PPIL6: variants seen among roughly 807,000 people sequenced by gnomAD.
PPIL6 encodes the protein peptidylprolyl isomerase like 6.
PPIL6 carries 39 observed loss-of-function variants against 36.8 expected under a neutral mutation model. That is an observed-to-expected ratio of 1.06 (90% CI 0.82 to 1.38). The LOEUF is 1.38. Among genes scored for constraint, PPIL6 ranks in the 40% most tolerant of loss-of-function variants. The pLI is 0.00. For missense variants in PPIL6, 368 were observed against 379.1 expected (o/e 0.97, Z 0.24); for synonymous variants, 123 against 134.1 (o/e 0.92, Z 0.57).
In PPIL6 at chr6:109,436,075, A is replaced by G. The variant is rs769503008; in HGVS notation, c.231+29T>C. The G allele has an allele frequency of 9.8e-6, 12 of 1,221,628 alleles. No individual in the cohort carries two copies. The South Asian group carries it at 1.4e-4, about 14-fold the overall frequency. 75.7% of individuals were successfully genotyped at this position (1,221,628 alleles called of 1,614,324 possible). ...TCAGGCAAAACTTGGCTTGTTGTCT[A>G]TATCCCCCACACCCCAAATATCCTT... On this transcript the variant is annotated intron_variant, in intron 2 of 7. Coordinates refer to ENST00000521072, the MANE Select transcript of PPIL6 (RefSeq NM_173672.5).
chr6:109,440,628 C>A lies in PPIL6; in HGVS notation c.-38G>T, dbSNP rs1189431350. 7 of 1,201,832 alleles carry A rather than the reference C, an allele frequency of 5.8e-6. No homozygotes were observed. Among genetic ancestry groups the A allele is most frequent in the Non-Finnish European group, 6.2e-6 (6 of 969,096 alleles). The allele number at this position is 1,201,832 out of a possible 1,614,324, so 74.4% of individuals were successfully genotyped here. ...GGACGCCCGGTGACCCCAAACACTG[C>A]GCGTCGCTCCGGCAACCGCGCGGCC... On this transcript the variant is annotated 5_prime_UTR_variant, in exon 1 of 8. Transcript: ENST00000521072.
chr6:109,428,158 A>G (rs1230678062), intron 3 of PPIL6, among the ~76,000 whole-genome samples: 3 of 152,200 alleles, frequency 2.0e-5, no homozygotes, highest in Non-Finnish European at 2.9e-5. Flanking sequence ...CTAGCCCTAC[A>G]AAGAGGCATT....
intron 3 of PPIL6, 58 bp from the exon 4 acceptor site, chr6:109,427,214 A>G (rs1773870225): frequency 8.2e-7 from 1 of 1,219,608 alleles, no homozygotes; most frequent in Non-Finnish European, 1.2e-6. Flanking sequence ...GAAAGTTTTC[A>G]GAAATGACCA....
At chr6:109,393,788 CT>C (rs1002709946) in intron 7 of PPIL6, among the ~76,000 whole-genome samples, 3 of 152,174 alleles carry the variant, frequency 2.0e-5, no homozygotes, top group African/African-American at 7.2e-5. Flanking sequence ...CACCCCTACC[CT>C]TTGGCATGGT....
intron 1 of PPIL6, among the ~76,000 whole-genome samples, chr6:109,439,144 C>G (rs535852340): frequency 6.6e-6 from 1 of 151,688 alleles, no homozygotes; most frequent in East Asian, 1.9e-4. Context: ...GGAGTCGGCA[C>G]AGAAAATATG....
At chr6:109,432,583 T>C (rs761061224) in intron 2 of PPIL6, among the ~76,000 whole-genome samples, 1 of 152,134 alleles carries the variant, frequency 6.6e-6, no homozygotes, top group African/African-American at 2.4e-5. Flanking sequence ...CCCTCTCCCT[T>C]TCCCCCAATA....
At chr6:109,397,223 TAGA>T (rs1167560829) in intron 7 of PPIL6, among the ~76,000 whole-genome samples, 1 of 145,750 alleles carries the variant, frequency 6.9e-6, no homozygotes, top group Non-Finnish European at 1.5e-5. Flanking sequence ...AATAGCAGAA[TAGA>T]AGGAGGGCAG....
Position 109,440,532 on chromosome 6 carries a change from G to A in PPIL6, c.59C>T (p.Pro20Leu), listed in dbSNP as rs1272992931. 6 of 1,493,222 alleles carry A rather than the reference G, an allele frequency of 4.0e-6. No homozygotes were observed. Among genetic ancestry groups the A allele is most frequent in the South Asian group, 2.6e-5 (2 of 78,238 alleles). The allele number at this position is 1,493,222 out of a possible 1,614,324, so 92.5% of individuals were successfully genotyped here. A position where few individuals can be genotyped will look rare whatever the true frequency, so the allele number is the denominator to read the frequency against. ...PHARCGSPSLPERPLQVKVVG... is the reference protein window; with the variant it reads ...PHARCGSPSLLERPLQVKVVG... ...CACCTTCACCTGCAGCGGCCGCTCC[G>A]GCAGCGACGGCGAGCCGCACCTAGC... Residue 20 changes from proline (P) to leucine (L), a missense_variant, in exon 1 of 8, where the codon CCG (proline) becomes CTG (leucine). Pro to Leu is a moderately conservative substitution (Grantham distance 98). Transcript: ENST00000521072.
intron 6 of PPIL6, among the ~76,000 whole-genome samples, chr6:109,401,760 T>G (rs992247368): frequency 6.6e-6 from 1 of 150,934 alleles, no homozygotes; most frequent in Non-Finnish European, 1.5e-5. Context: ...AGTCTCGCTC[T>G]GTTGCCCAGG....
intron 6 of PPIL6, among the ~76,000 whole-genome samples, chr6:109,400,984 C>T (rs1438617530): frequency 1.3e-5 from 2 of 151,302 alleles, no homozygotes; most frequent in Non-Finnish European, 2.9e-5. Flanking sequence ...CTCAGCCTCC[C>T]GAGTAGCTGG....
chr6:109,423,137 TG>T (rs1773636727), intron 5 of PPIL6, among the ~76,000 whole-genome samples: 1 of 151,960 alleles, frequency 6.6e-6, no homozygotes, highest in Non-Finnish European at 1.5e-5. Context: ...GAGGCTGAGG[TG>T]GGCAGATCAC....
chr6:109,418,548 C>CTTTTTTTT (rs796535898), intron 6 of PPIL6, among the ~76,000 whole-genome samples: 4 of 135,932 alleles, frequency 2.9e-5, no homozygotes, highest in Non-Finnish European at 1.6e-5. Context: ...ATCTTTTTTT[C>CTTTTTTTT]TTTTTTTTTT....
In PPIL6 at chr6:109,394,370, C is replaced by CAAA. The variant is rs560635029; in HGVS notation, c.825-1436_825-1434dup. 5.9e-3 allele frequency among the ~76,000 whole-genome samples: 297 copies of CAAA among 50,142 alleles called. 7 individuals are homozygous for CAAA. The highest frequency in any genetic ancestry group is 0.016 in the African/African-American group (234 of 14,936). The allele number at this position is 50,142 out of a possible 152,430, so 32.9% of individuals were successfully genotyped here. On this transcript the variant is annotated intron_variant, in intron 7 of 7. Coordinates refer to ENST00000521072, the MANE Select transcript of PPIL6 (RefSeq NM_173672.5). ...CTGGGCCATAGAGCGAGACTTATCT[C>CAAA]AAAAAAAAAAAAAAAAAAAAAAGCC... is the stretch of plus-strand genomic sequence containing the variant.
Position 109,419,232 on chromosome 6 carries a change from C to T in PPIL6, c.643G>A (p.Gly215Arg), listed in dbSNP as rs1320943086. The change falls in exon 6 of 8, where the codon GGA becomes AGA. Residue 215 changes from glycine (G) to arginine (R), a missense_variant. Physicochemically the swap from Gly to Arg is moderately radical, Grantham distance 125. Coordinates refer to ENST00000521072, the MANE Select transcript of PPIL6 (RefSeq NM_173672.5). ...ATCGACTCTCCATTATCTCCTTTTC[C>T]ATACACTATATCTGAGAAATAGCAA... is the stretch of plus-strand genomic sequence containing the variant. Reference protein sequence around the residue: ...GWIQGGDIVYGKGDNGESIYG... With the variant: ...GWIQGGDIVYRKGDNGESIYG... 3 of 1,546,458 alleles carry T rather than the reference C, an allele frequency of 1.9e-6. No individual in the cohort carries two copies. The highest frequency in any genetic ancestry group is 8.9e-7 in the Non-Finnish European group (1 of 1,118,714).
chr6:109,401,348 G>C (rs972675492), intron 6 of PPIL6, among the ~76,000 whole-genome samples: 2 of 152,142 alleles, frequency 1.3e-5, no homozygotes, highest in African/African-American at 4.8e-5. Flanking sequence ...CAAATACACA[G>C]AAGGAAATAA....
At chr6:109,434,492 T>C (rs1044884389) in intron 2 of PPIL6, among the ~76,000 whole-genome samples, 1 of 152,158 alleles carries the variant, frequency 6.6e-6, no homozygotes, top group Non-Finnish European at 1.5e-5. Context: ...GAATTGTAAG[T>C]GTTTGGTTCT....
At chr6:109,419,679 C>T (rs561042569) in intron 5 of PPIL6, among the ~76,000 whole-genome samples, 253 of 151,704 alleles carry the variant, frequency 1.7e-3, no homozygotes, top group African/African-American at 5.9e-3. Context: ...GCCGAGATTG[C>T]GCCATTGCAC....
chr6:109,434,896 AG>A (rs1774361073), intron 2 of PPIL6, among the ~76,000 whole-genome samples: 1 of 152,190 alleles, frequency 6.6e-6, no homozygotes, highest in African/African-American at 2.4e-5. Context: ...CCAACTGAAC[AG>A]GTTGTCACCC....
At chr6:109,435,024 C>T (rs575730589) in intron 2 of PPIL6, among the ~76,000 whole-genome samples, 119 of 152,246 alleles carry the variant, frequency 7.8e-4, no homozygotes, top group Non-Finnish European at 1.1e-3. Context: ...ACAGGGTTGC[C>T]CTGTGGGAGC....
Sources: gnomAD v4.1 joint callset for allele counts (sites outside exome capture counted in the v4.1 genomes callset) on GRCh38, gnomAD v4.1.1 for gene constraint, MANE v1.5 for transcripts, NCBI Gene and HGNC (gene_info 2026-07-23, HGNC 2026-07-21) for gene names.